PGCKA1: variants seen among roughly 807,000 people sequenced by gnomAD.
The protein encoded by PGCKA1 is PDCD10 and GCKIII kinases-associated protein 1.
chr4:37,478,048 C>T, the PGCKA1 span, among the ~76,000 whole-genome samples: 1 of 151,974 alleles, frequency 6.6e-6, no homozygotes, highest in South Asian at 2.1e-4. Context: ...ATCACTTGGA[C>T]CTGAAGAGCT....
At chr4:37,590,605 C>A in the PGCKA1 span, 1 of 1,614,156 alleles carries the variant, frequency 6.2e-7, no homozygotes, top group Non-Finnish European at 8.5e-7. Context: ...CTTCCAGATA[C>A]CAGCCCCAGA....
the PGCKA1 span, among the ~76,000 whole-genome samples, chr4:37,501,678 C>T: frequency 6.6e-6 from 1 of 152,134 alleles, no homozygotes; most frequent in Non-Finnish European, 1.5e-5. Context: ...CTCAGCATTG[C>T]TTGTCTGAAA....
chr4:37,541,367 GCCCTTTT>G, the PGCKA1 span, among the ~76,000 whole-genome samples: 1 of 152,132 alleles, frequency 6.6e-6, no homozygotes, highest in Non-Finnish European at 1.5e-5. Context: ...AAATGCTGGT[GCCCTTTT>G]CCCTTCTTCT....
chr4:37,521,332 C>T, the PGCKA1 span, among the ~76,000 whole-genome samples: 6 of 152,176 alleles, frequency 3.9e-5, no homozygotes, highest in African/African-American at 1.4e-4. Flanking sequence ...TAGTCCTTAA[C>T]TCCCAGATGG....
chr4:37,482,896 G>T, the PGCKA1 span, among the ~76,000 whole-genome samples: 5 of 152,162 alleles, frequency 3.3e-5, no homozygotes, highest in South Asian at 6.2e-4. Context: ...AATGAGTTAA[G>T]ACTTTGAGGG....
At chr4:37,489,443 T>C in the PGCKA1 span, among the ~76,000 whole-genome samples, 1 of 152,172 alleles carries the variant, frequency 6.6e-6, no homozygotes, top group East Asian at 1.9e-4. Context: ...CACCCTAAAA[T>C]AGCACATTCC....
chr4:37,569,750 C>T, the PGCKA1 span, among the ~76,000 whole-genome samples: 5,006 of 152,098 alleles, frequency 0.033, 135 homozygotes, highest in Middle Eastern at 0.11. Flanking sequence ...TGAAACAGTT[C>T]CTTCTCATAA....
At chr4:37,465,509 A>T in the PGCKA1 span, among the ~76,000 whole-genome samples, 1 of 152,134 alleles carries the variant, frequency 6.6e-6, no homozygotes, top group African/African-American at 2.4e-5. Context: ...GGGCATGCTG[A>T]TATGGCTTGG....
At chr4:37,479,452 A>G in the PGCKA1 span, among the ~76,000 whole-genome samples, 97,228 of 152,028 alleles carry the variant, frequency 0.64, 32,301 homozygotes, top group Non-Finnish European at 0.74. Context: ...TTCCACAGAC[A>G]TGGAGTTTTT....
chr4:37,496,296 G>A, the PGCKA1 span, among the ~76,000 whole-genome samples: 4 of 152,228 alleles, frequency 2.6e-5, no homozygotes, highest in African/African-American at 9.6e-5. Context: ...ATTTTTGTAT[G>A]TGGCATAAGG....
At chr4:37,589,836 C>G in the PGCKA1 span, among the ~76,000 whole-genome samples, 1 of 152,108 alleles carries the variant, frequency 6.6e-6, no homozygotes, top group African/African-American at 2.4e-5. Context: ...TTCACCATGT[C>G]GGTCAGGCTG....
chr4:37,509,770 G>C, the PGCKA1 span, among the ~76,000 whole-genome samples: 1 of 151,636 alleles, frequency 6.6e-6, no homozygotes, highest in African/African-American at 2.4e-5. Flanking sequence ...AGACCAGCCC[G>C]GCCAACACAG....
chr4:37,579,692 T>A, the PGCKA1 span, among the ~76,000 whole-genome samples: 2 of 152,228 alleles, frequency 1.3e-5, no homozygotes, highest in African/African-American at 4.8e-5. Context: ...CTCTGCTGCT[T>A]TCAGGATCCT....
the PGCKA1 span, among the ~76,000 whole-genome samples, chr4:37,519,914 A>T: frequency 6.6e-6 from 1 of 152,084 alleles, no homozygotes; most frequent in African/African-American, 2.4e-5. Flanking sequence ...TATGGCTTTT[A>T]TTATGTTGAG....
At chr4:37,565,776 A>G in the PGCKA1 span, among the ~76,000 whole-genome samples, 1 of 152,140 alleles carries the variant, frequency 6.6e-6, no homozygotes, top group Non-Finnish European at 1.5e-5. Flanking sequence ...GAAGGATGCA[A>G]AGTGTTGGTC....
At chr4:37,467,120 G>A in the PGCKA1 span, among the ~76,000 whole-genome samples, 1 of 152,108 alleles carries the variant, frequency 6.6e-6, no homozygotes, top group East Asian at 1.9e-4. Context: ...ACAGTATGTA[G>A]ATACAGTGCA....
At chr4:37,543,723 A>ACT in the PGCKA1 span, among the ~76,000 whole-genome samples, 51 of 151,428 alleles carry the variant, frequency 3.4e-4, no homozygotes, top group African/African-American at 1.2e-3. Flanking sequence ...AGTCCCAGCT[A>ACT]CTCGGGAGGC....
At chr4:37,457,908 G>C in the PGCKA1 span, among the ~76,000 whole-genome samples, 1 of 152,194 alleles carries the variant, frequency 6.6e-6, no homozygotes, top group Admixed American at 6.5e-5. Flanking sequence ...CTTGTGATAA[G>C]TATGAAATGT....
the PGCKA1 span, among the ~76,000 whole-genome samples, chr4:37,566,497 T>G: frequency 6.6e-6 from 1 of 152,168 alleles, no homozygotes; most frequent in African/African-American, 2.4e-5. Flanking sequence ...GCCAGGCTGG[T>G]CTCGAACTCC....
Sources: allele counts gnomAD v4.1 joint callset (sites outside exome capture counted in the v4.1 genomes callset), GRCh38; gene constraint gnomAD v4.1.1; transcripts MANE v1.5; gene names NCBI Gene and HGNC (gene_info 2026-07-23, HGNC 2026-07-21).